Variants in SH3PXD2B observed in about 807,000 individuals in gnomAD.
SH3PXD2B encodes SH3 and PX domains 2B.
In SH3PXD2B, 37 loss-of-function variants were observed where a neutral mutation model predicts 73.1. The observed-to-expected ratio is 0.51, with a 90% CI of 0.39 to 0.67. SH3PXD2B has a LOEUF of 0.67. Among genes scored for constraint, SH3PXD2B ranks in the 30% least tolerant of loss-of-function variants. The pLI, the probability that SH3PXD2B is intolerant of heterozygous loss-of-function variation, is 0.00. For synonymous variants in SH3PXD2B, 457 were observed against 480.5 expected (o/e 0.95, Z 0.64); for missense variants, 1,053 against 1,197.8 (o/e 0.88, Z 1.78).
Position 172,346,271 on chromosome 5 carries a change from T to A in SH3PXD2B, c.1063-10A>T. 6.2e-7 allele frequency: 1 copy of A among 1,613,502 alleles called. No individual in the cohort carries two copies. Among genetic ancestry groups the A allele is most frequent in the Non-Finnish European group, 8.5e-7 (1 of 1,179,896 alleles). The stretch of plus-strand genomic sequence containing the variant: ...GGTTGAGGCCTCGAGGCTGGTACGA[T>A]CACACACAGGGTTATCTCCAAGGCT... On this transcript the variant is annotated splice_polypyrimidine_tract_variant and intron_variant, in intron 11 of 12. Coordinates refer to ENST00000311601, the MANE Select transcript of SH3PXD2B (RefSeq NM_001017995.3).
intron 3 of SH3PXD2B, among the ~76,000 whole-genome samples, chr5:172,404,499 C>T (rs1044437243): frequency 6.6e-6 from 1 of 152,064 alleles, no homozygotes; most frequent in Non-Finnish European, 1.5e-5. Flanking sequence ...GCCATGTTGG[C>T]CAGCCTGGTC....
intron 10 of SH3PXD2B, among the ~76,000 whole-genome samples, chr5:172,348,713 A>G (rs1045048265): frequency 3.7e-5 from 5 of 136,462 alleles, no homozygotes; most frequent in Admixed American, 2.2e-4. Context: ...CTATCTATTT[A>G]TTTATTTTTG....
At chr5:172,328,118 ATTTTT>A (rs145836169) in intron 12 of SH3PXD2B, among the ~76,000 whole-genome samples, 87,480 of 139,880 alleles carry the variant, frequency 0.63, 26,905 homozygotes, top group South Asian at 0.84. Context: ...TAGTAGGCTG[ATTTTT>A]TTTTTTTTTT....
chr5:172,368,498 A>ATATATAT, intron 6 of SH3PXD2B, among the ~76,000 whole-genome samples: 1 of 5,840 alleles, frequency 1.7e-4, no homozygotes, highest in African/African-American at 6.6e-4. Context: ...TATATATATT[A>ATATATAT]TATATATATA....
At chr5:172,439,811 G>A (rs1759510683) in intron 1 of SH3PXD2B, among the ~76,000 whole-genome samples, 1 of 140,832 alleles carries the variant, frequency 7.1e-6, no homozygotes, top group East Asian at 2.0e-4. Context: ...TCCAGGGTTG[G>A]CCAGGCCAGG....
At chr5:172,382,476 T>A in intron 4 of SH3PXD2B, among the ~76,000 whole-genome samples, 1 of 151,936 alleles carries the variant, frequency 6.6e-6, no homozygotes, top group East Asian at 1.9e-4. Context: ...CCCGAGTTTC[T>A]GATCCAGTAG....
In SH3PXD2B at chr5:172,339,068, G is replaced by A. The variant is rs772716953; in HGVS notation, c.2037C>T (p.Ser679=). Residue 679 remains serine, a synonymous_variant, in exon 13 of 13, where the codon TCC becomes TCT. Coordinates refer to ENST00000311601, the MANE Select transcript of SH3PXD2B (RefSeq NM_001017995.3). This position sits in a 1 kb window ranked among gnomAD's most constrained non-coding sequence, Gnocchi z 6.1. ...KLRPAKSQDK[S]LLDGEGPQAV... is the part of the protein sequence containing the mutation. The stretch of plus-strand genomic sequence containing the variant: ...CCTGGGGGCCCTCCCCATCCAACAA[G>A]GACTTGTCTTGGGACTTGGCAGGCC... 4 of 1,614,206 alleles carry A rather than the reference G, an allele frequency of 2.5e-6. No individual in the cohort carries two copies. Among genetic ancestry groups the A allele is most frequent in the Non-Finnish European group, 1.7e-6 (2 of 1,180,040 alleles).
intron 1 of SH3PXD2B, among the ~76,000 whole-genome samples, chr5:172,449,697 G>C (rs1227080699): frequency 6.6e-6 from 1 of 152,210 alleles, no homozygotes; most frequent in Non-Finnish European, 1.5e-5. Flanking sequence ...GATTGGCAAA[G>C]ACTGAAAAGT....
rs530791375 is a variant in SH3PXD2B at position 172,364,610 on chromosome 5, A to G, written c.428-1741T>C. Among the ~76,000 whole-genome samples, 196 of 152,276 alleles carry G rather than the reference A, an allele frequency of 1.3e-3. 1 individual carries two copies. Among genetic ancestry groups the G allele is most frequent in the Non-Finnish European group, 2.0e-3 (134 of 68,022 alleles). ...AACCCGGGAGGCAGAGGTTGCAGTG[A>G]CCTGAGATCGCACCACTGCACTCCA... On this transcript the variant is annotated intron_variant, in intron 6 of 12. Transcript: ENST00000311601.
At chr5:172,340,101 G>C (rs1034109074) in intron 12 of SH3PXD2B, among the ~76,000 whole-genome samples, 185 bp from the exon 13 acceptor site, 6 of 152,218 alleles carry the variant, frequency 3.9e-5, no homozygotes, top group Admixed American at 3.9e-4. Flanking sequence ...ATCTTACATG[G>C]GGGGAGAGTC....
chr5:172,439,251 G>GAAAAAAAAAAAAAAAAAA (rs1240619268), intron 1 of SH3PXD2B, among the ~76,000 whole-genome samples: 1 of 35,242 alleles, frequency 2.8e-5, no homozygotes, highest in African/African-American at 9.6e-5. Context: ...AAAAAAAAAA[G>GAAAAAAAAAAAAAAAAAA]AAAAAAAAAA....
chr5:172,330,847 G>A (rs1461717585), downstream of SH3PXD2B, among the ~76,000 whole-genome samples: 1 of 152,220 alleles, frequency 6.6e-6, no homozygotes, highest in African/African-American at 2.4e-5. Flanking sequence ...CTGTAGTGAA[G>A]ATTAAAAGAG....
chr5:172,342,517 T>C (rs985192600), intron 12 of SH3PXD2B, among the ~76,000 whole-genome samples: 3 of 152,008 alleles, frequency 2.0e-5, no homozygotes, highest in Non-Finnish European at 2.9e-5. Context: ...TCCCAGCACT[T>C]TGGGAGGCCA....
At chr5:172,342,383 C>T (rs190325837) in intron 12 of SH3PXD2B, among the ~76,000 whole-genome samples, 20 of 152,230 alleles carry the variant, frequency 1.3e-4, no homozygotes, top group South Asian at 2.1e-4. Context: ...GAACACACAG[C>T]GGGTCCTGTA....
At position 172,337,122 on chromosome 5, in the gene SH3PXD2B, A is replaced by G; in HGVS notation, c.*1247T>C. On this transcript the variant is annotated 3_prime_UTR_variant, in exon 13 of 13. Coordinates refer to ENST00000311601, the MANE Select transcript of SH3PXD2B (RefSeq NM_001017995.3). ...GAGGGAACAGGGCTCTGTGTCAACC[A>G]CCAGGACCCTGGCATTCTCCTGTCA... 2.0e-6 allele frequency: 2 copies of G among 985,296 alleles called. No individual in the cohort carries two copies. Among genetic ancestry groups the G allele is most frequent in the Non-Finnish European group, 2.4e-6 (2 of 829,944 alleles). The allele number at this position is 985,296 out of a possible 1,614,324, so 61.0% of individuals were successfully genotyped here.
At chr5:172,411,695 G>A (rs1010400682) in intron 2 of SH3PXD2B, among the ~76,000 whole-genome samples, 7 of 152,156 alleles carry the variant, frequency 4.6e-5, no homozygotes, top group African/African-American at 1.7e-4. Flanking sequence ...GAGCACACCA[G>A]ATGCTCAGCA....
At chr5:172,422,348 G>C in intron 2 of SH3PXD2B, 68 bp downstream of exon 2, 1 of 1,379,616 alleles carries the variant, frequency 7.2e-7, no homozygotes, top group Non-Finnish European at 1.0e-6. Context: ...CTCTAAAGCT[G>C]TAGTGGAATG....
At chr5:172,377,036 C>T (rs774157613) in intron 5 of SH3PXD2B, among the ~76,000 whole-genome samples, 1 of 152,204 alleles carries the variant, frequency 6.6e-6, no homozygotes, top group Non-Finnish European at 1.5e-5. Flanking sequence ...GCCATCCAGG[C>T]CTGCGACCTG....
downstream of SH3PXD2B, among the ~76,000 whole-genome samples, chr5:172,329,083 A>ATTTTTTTTTTTT (rs1164155218): frequency 2.6e-4 from 16 of 61,806 alleles, no homozygotes; most frequent in Admixed American, 8.8e-4. Flanking sequence ...ATATATATAT[A>ATTTTTTTTTTTT]TTTTTTTTTT....
Sources: allele counts gnomAD v4.1 joint callset (sites outside exome capture counted in the v4.1 genomes callset), GRCh38; gene constraint gnomAD v4.1.1; non-coding constraint Gnocchi (gnomAD v3.1); transcripts MANE v1.5; gene names NCBI Gene and HGNC (gene_info 2026-07-23, HGNC 2026-07-21).